OR9Q1: variants seen among roughly 807,000 people sequenced by gnomAD.
OR9Q1 encodes the protein olfactory receptor family 9 subfamily Q member 1, also known as olfactory receptor 9Q1.
For missense variants in OR9Q1, 374 were observed against 378.8 expected (o/e 0.99, Z 0.11); for synonymous variants, 153 against 148.6 (o/e 1.03, Z -0.22).
chr11:58,088,750 AAATTTT>A (rs1439174729), intron 2 of OR9Q1, among the ~76,000 whole-genome samples: 16 of 151,784 alleles, frequency 1.1e-4, no homozygotes, highest in African/African-American at 3.9e-4. Context: ...TAGCTTGCTA[AAATTTT>A]CTCTCATTCT....
Position 58,180,023 on chromosome 11 carries a change from C to T in OR9Q1, c.579C>T (p.Tyr193=). The T allele has an allele frequency of 6.2e-7, 1 of 1,614,164 alleles. No individual in the cohort carries two copies. The highest frequency in any genetic ancestry group is 8.5e-7 in the Non-Finnish European group (1 of 1,179,998). ...TAAAGTTGACCTGTGGGGAGAGCTA[C>T]ACTCAAGAAGTGCTGATTATTATGT... The part of the protein sequence containing the change: ...PLLKLTCGES[Y]TQEVLIIMFA... The change falls in exon 3 of 3, where the codon TAC becomes TAT. Residue 193 remains tyrosine (Y), a synonymous_variant. Coordinates refer to ENST00000335397, the MANE Select transcript of OR9Q1 (RefSeq NM_001005212.4).
intron 2 of OR9Q1, among the ~76,000 whole-genome samples, chr11:58,178,459 G>A (rs184665062): frequency 3.7e-4 from 56 of 152,334 alleles, no homozygotes; most frequent in Non-Finnish European, 5.4e-4. Context: ...TGACCACAGT[G>A]AGGAGGAAGA....
chr11:58,075,002 A>G (rs1590573690), intron 2 of OR9Q1, among the ~76,000 whole-genome samples: 1 of 152,154 alleles, frequency 6.6e-6, no homozygotes, highest in South Asian at 2.1e-4. Context: ...TGTTTTGGTT[A>G]CTGTAGCCTT....
chr11:58,037,879 T>G (rs1270844021), intron 1 of OR9Q1, among the ~76,000 whole-genome samples: 1 of 137,562 alleles, frequency 7.3e-6, no homozygotes, highest in African/African-American at 2.7e-5. Flanking sequence ...CCACCACGCC[T>G]GGCTAATTTT....
intron 1 of OR9Q1, among the ~76,000 whole-genome samples, chr11:58,029,410 G>T (rs529105420): frequency 6.6e-6 from 1 of 152,272 alleles, no homozygotes; most frequent in Non-Finnish European, 1.5e-5. Flanking sequence ...CTGGAACCTG[G>T]CACAGCATCA....
intron 2 of OR9Q1, among the ~76,000 whole-genome samples, chr11:58,141,805 A>G (rs899686570): frequency 6.6e-6 from 1 of 152,062 alleles, no homozygotes; most frequent in Non-Finnish European, 1.5e-5. Context: ...TAGCCACTAT[A>G]TATATTTGTG....
At chr11:58,106,750 G>C (rs1853844318) in intron 2 of OR9Q1, among the ~76,000 whole-genome samples, 2 of 152,130 alleles carry the variant, frequency 1.3e-5, no homozygotes, top group South Asian at 2.1e-4. Context: ...CGAAGAGACT[G>C]TCTTTTCCCT....
chr11:58,175,081 G>A (rs1262038519), intron 2 of OR9Q1, among the ~76,000 whole-genome samples: 1 of 144,822 alleles, frequency 6.9e-6, no homozygotes, highest in Non-Finnish European at 1.5e-5. Context: ...ACTCCAGCCT[G>A]GGCGACAGAG....
At chr11:58,173,646 A>C (rs1590626825) in intron 2 of OR9Q1, among the ~76,000 whole-genome samples, 1 of 151,446 alleles carries the variant, frequency 6.6e-6, no homozygotes, top group Non-Finnish European at 1.5e-5. Flanking sequence ...GGCCCCCTGA[A>C]CCCCACCCCC....
intron 2 of OR9Q1, among the ~76,000 whole-genome samples, chr11:58,100,025 T>C (rs1293390982): frequency 6.6e-6 from 1 of 152,178 alleles, no homozygotes; most frequent in Non-Finnish European, 1.5e-5. Flanking sequence ...TGCCTTAGTT[T>C]CTGTTCCACA....
At chr11:58,136,277 T>A (rs755995986) in intron 2 of OR9Q1, among the ~76,000 whole-genome samples, 1 of 152,180 alleles carries the variant, frequency 6.6e-6, no homozygotes, top group Non-Finnish European at 1.5e-5. Flanking sequence ...GAATGTTAAA[T>A]GCTAATATTG....
intron 2 of OR9Q1, among the ~76,000 whole-genome samples, chr11:58,110,533 T>A (rs890548221): frequency 6.6e-6 from 1 of 152,184 alleles, no homozygotes; most frequent in South Asian, 2.1e-4. Flanking sequence ...AATCCTGGAA[T>A]AGCTCTTATG....
intron 2 of OR9Q1, among the ~76,000 whole-genome samples, chr11:58,142,383 G>T (rs1159365431): frequency 6.6e-6 from 1 of 151,854 alleles, no homozygotes; most frequent in Non-Finnish European, 1.5e-5. Context: ...TTTTCCCTTT[G>T]GCCAGGATGA....
At position 58,071,221 on chromosome 11, in the gene OR9Q1, C is replaced by T. The variant is rs965337695; in HGVS notation, c.-15+15274C>T. Among the ~76,000 whole-genome samples, 10 of 152,332 alleles carry T rather than the reference C, an allele frequency of 6.6e-5. No individual in the cohort carries two copies. In the East Asian group the frequency reaches 1.7e-3, roughly 26 times the overall value. ...GCCAGACAGGGGCTGGGCCTGTTGG[C>T]TCACGCCTGTAATCCCAGCACTTTT... On this transcript the variant is annotated intron_variant, in intron 2 of 2. Coordinates refer to ENST00000335397, the MANE Select transcript of OR9Q1 (RefSeq NM_001005212.4).
intron 2 of OR9Q1, chr11:58,124,696 GT>G: frequency 6.6e-6 from 1 of 152,238 alleles, no homozygotes; most frequent in East Asian, 1.9e-4. Flanking sequence ...GGAAATGAAG[GT>G]TTAGAGACAT....
intron 2 of OR9Q1, among the ~76,000 whole-genome samples, chr11:58,111,699 G>T (rs1348936933): frequency 6.6e-6 from 1 of 152,044 alleles, no homozygotes; most frequent in Non-Finnish European, 1.5e-5. Context: ...CTTCAGCCTG[G>T]GTTGCAGTTG....
chr11:58,126,192 C>T (rs895423554), intron 2 of OR9Q1, among the ~76,000 whole-genome samples: 2 of 152,166 alleles, frequency 1.3e-5, no homozygotes, highest in African/African-American at 4.8e-5. Context: ...TGTCTCTTCC[C>T]TCGTCTCTGA....
At chr11:58,050,687 G>A (rs80287517) in intron 1 of OR9Q1, among the ~76,000 whole-genome samples, 45,629 of 118,688 alleles carry the variant, frequency 0.38, 9,480 homozygotes, top group Middle Eastern at 0.51. Context: ...GAAAATTTTC[G>A]CAACCTACTC....
At chr11:58,038,887 C>T (rs1466728354) in intron 1 of OR9Q1, among the ~76,000 whole-genome samples, 1 of 152,106 alleles carries the variant, frequency 6.6e-6, no homozygotes, top group African/African-American at 2.4e-5. Flanking sequence ...AAGTCCTTAG[C>T]AACTGATTTT....
Sources: gnomAD v4.1 joint callset for allele counts (sites outside exome capture counted in the v4.1 genomes callset) on GRCh38, gnomAD v4.1.1 for gene constraint, MANE v1.5 for transcripts, NCBI Gene and HGNC (gene_info 2026-07-23, HGNC 2026-07-21) for gene names.